The following SH3BP4 variants were observed in gnomAD, a reference collection of about 807,000 sequenced individuals.
The protein encoded by SH3BP4 is SH3 domain-binding protein 4.
SH3BP4 carries 33 observed loss-of-function variants against 65.5 expected under a neutral mutation model. The ratio of observed to expected loss-of-function variants is 0.50; its 90% CI spans 0.38 to 0.67. The LOEUF (loss-of-function observed/expected upper bound fraction) is 0.67, where lower values mean the gene tolerates loss of function less well. Among genes scored for constraint, SH3BP4 ranks in the 30% least tolerant of loss-of-function variants. The probability of loss-of-function intolerance (pLI) is 0.00; values close to 1 mark genes in which losing one functional copy is unlikely to be tolerated. For missense variants in SH3BP4, 1,134 were observed against 1,261.4 expected (o/e 0.90, Z 1.53); for synonymous variants, 552 against 545.5 (o/e 1.01, Z -0.17).
intron 2 of SH3BP4, among the ~76,000 whole-genome samples, chr2:235,000,871 G>T (rs1694076093): frequency 6.6e-6 from 1 of 152,182 alleles, no homozygotes; most frequent in Non-Finnish European, 1.5e-5. Flanking sequence ...CTGCACTGGT[G>T]GTGTCTCCCC....
chr2:235,040,948 T>G lies in SH3BP4; in HGVS notation c.179T>G (p.Val60Gly). Reference sequence around the variant, plus strand: ...ACACCTTTCGGAAATGCAAAGGAAGTGATTGCGATCAAGGACTATTGCCCC... The same window carrying G: ...ACACCTTTCGGAAATGCAAAGGAAGGGATTGCGATCAAGGACTATTGCCCC... ...NPTPFGNAKE[V>G]IAIKDYCPTN... Residue 60 changes from valine (V) to glycine (G), a missense_variant, in exon 4 of 6, where the codon GTG becomes GGG. Transcript: ENST00000392011. 6.2e-7 allele frequency: 1 copy of G among 1,614,132 alleles called. No homozygotes were observed. The highest frequency in any genetic ancestry group is 8.5e-7 in the Non-Finnish European group (1 of 1,180,010).
intron 2 of SH3BP4, among the ~76,000 whole-genome samples, chr2:235,022,889 C>G (rs942725849): frequency 3.3e-5 from 5 of 152,184 alleles, no homozygotes; most frequent in African/African-American, 7.2e-5. Flanking sequence ...GGGTGGTGCT[C>G]CCTCTGCAGA....
At chr2:234,983,281 C>T (rs970929268) in intron 1 of SH3BP4, 2 of 152,264 alleles carry the variant, frequency 1.3e-5, no homozygotes, top group African/African-American at 4.8e-5. Flanking sequence ...GTCTGTCCAC[C>T]TGCATTGGCA....
intron 1 of SH3BP4, among the ~76,000 whole-genome samples, chr2:234,965,205 G>A: frequency 6.6e-6 from 1 of 152,338 alleles, no homozygotes; most frequent in East Asian, 1.9e-4. Flanking sequence ...TGAAGAAGAG[G>A]AGACTGTCCA....
At chr2:235,024,181 A>C (rs1367646312) in intron 2 of SH3BP4, among the ~76,000 whole-genome samples, 2 of 152,208 alleles carry the variant, frequency 1.3e-5, no homozygotes, top group African/African-American at 4.8e-5. Flanking sequence ...CTGGTGGTTA[A>C]AACTGCAGTT....
At chr2:235,028,182 C>T (rs922886847) in intron 2 of SH3BP4, among the ~76,000 whole-genome samples, 4 of 152,224 alleles carry the variant, frequency 2.6e-5, no homozygotes, top group Non-Finnish European at 5.9e-5. Context: ...TTCCTGTCTT[C>T]CTAGACCTGA....
At chr2:235,022,523 A>C (rs942676269) in intron 2 of SH3BP4, among the ~76,000 whole-genome samples, 1 of 149,912 alleles carries the variant, frequency 6.7e-6, no homozygotes, top group Non-Finnish European at 1.5e-5. Context: ...TCTGTCTCCA[A>C]AAAAAAAAAG....
intron 2 of SH3BP4, among the ~76,000 whole-genome samples, chr2:235,028,576 G>A (rs1695076959): frequency 6.6e-6 from 1 of 152,280 alleles, no homozygotes; most frequent in Non-Finnish European, 1.5e-5. Context: ...ATTCATTCGG[G>A]TTTGAGAGCC....
At chr2:235,027,921 A>G (rs1259048125) in intron 2 of SH3BP4, among the ~76,000 whole-genome samples, 2 of 152,208 alleles carry the variant, frequency 1.3e-5, no homozygotes, top group East Asian at 3.9e-4. Context: ...CAGAGGCCAC[A>G]GGGAGAATAT....
chr2:234,998,243 A>T (rs1693985461), intron 2 of SH3BP4, among the ~76,000 whole-genome samples: 1 of 152,214 alleles, frequency 6.6e-6, no homozygotes, highest in Non-Finnish European at 1.5e-5. Context: ...GGGGCACGTG[A>T]ACCACGTGGG....
chr2:235,035,243 T>C lies in SH3BP4; in HGVS notation c.118+123T>C, dbSNP rs966863261. 2.5e-5 allele frequency: 19 copies of C among 768,226 alleles called. No homozygotes were observed. In the East Asian group the frequency reaches 4.4e-4, roughly 18 times the overall value. The allele number at this position is 768,226 out of a possible 1,614,324, so 47.6% of individuals were successfully genotyped here. A position where few individuals can be genotyped will look rare whatever the true frequency, so the allele number is the denominator to read the frequency against. The stretch of plus-strand genomic sequence containing the variant: ...CATTCAGATAGTTAAAGTTTAGTTC[T>C]TTAAACTTCATCATGGTAATAGATT... On this transcript the variant is annotated intron_variant, in intron 3 of 5. Transcript: ENST00000392011. This position sits in a 1 kb window ranked among gnomAD's most constrained non-coding sequence, Gnocchi z 5.0.
rs895782031 is a variant in SH3BP4 at position 235,026,752 on chromosome 2, G to T, written c.-132-8119G>T. On this transcript the variant is annotated intron_variant, in intron 2 of 5. Transcript: ENST00000392011. The surrounding 1 kb of genome is among the most constrained non-coding windows in gnomAD (Gnocchi z 4.6). ...TTTTTCACCCTGTGGCGTGGTCTTG[G>T]CTCTGAATAACCGCTGCTACCTCCT... Among the ~76,000 whole-genome samples the T allele has an allele frequency of 2.0e-5, 3 of 152,076 alleles. No homozygotes were observed. The highest frequency in any genetic ancestry group is 7.2e-5 in the African/African-American group (3 of 41,400).
At chr2:235,002,297 C>G (rs1036976258) in intron 2 of SH3BP4, among the ~76,000 whole-genome samples, 1 of 152,126 alleles carries the variant, frequency 6.6e-6, no homozygotes. Context: ...AAATTGTGCA[C>G]AGTGGTTTAT....
chr2:235,020,045 A>T (rs1694806960), intron 2 of SH3BP4, among the ~76,000 whole-genome samples: 1 of 152,216 alleles, frequency 6.6e-6, no homozygotes, highest in African/African-American at 2.4e-5. Flanking sequence ...ATCTAGGAAG[A>T]TTCTTCTTTG....
At chr2:235,008,767 T>G (rs985033193) in intron 2 of SH3BP4, among the ~76,000 whole-genome samples, 1 of 152,360 alleles carries the variant, frequency 6.6e-6, no homozygotes, top group African/African-American at 2.4e-5. Flanking sequence ...TTTTGTTCTA[T>G]TTTATCTCCA....
intron 1 of SH3BP4, among the ~76,000 whole-genome samples, chr2:234,987,179 G>A (rs1269191272): frequency 2.0e-5 from 3 of 152,132 alleles, no homozygotes; most frequent in Non-Finnish European, 2.9e-5. Flanking sequence ...GCGTTGTTGG[G>A]CCCAGCAACC....
chr2:235,041,142 A>G lies in SH3BP4; in HGVS notation c.373A>G (p.Ile125Val). ...RNSTLSDSGM[I>V]DNLPDSPDEV... Reference sequence around the variant, plus strand: ...CTCAACACTGAGTGACAGCGGTATGATTGATAATCTTCCAGACAGCCCAGA... The same window carrying G: ...CTCAACACTGAGTGACAGCGGTATGGTTGATAATCTTCCAGACAGCCCAGA... Residue 125 changes from isoleucine to valine, a missense_variant, in exon 4 of 6, where the codon ATT (isoleucine) becomes GTT (valine). Physicochemically the swap from Ile to Val is conservative, Grantham distance 29. Coordinates refer to ENST00000392011, the MANE Select transcript of SH3BP4 (RefSeq NM_014521.3). This position sits in a 1 kb window ranked among gnomAD's most constrained non-coding sequence, Gnocchi z 6.0. 6.2e-7 allele frequency: 1 copy of G among 1,614,156 alleles called. No individual in the cohort carries two copies. Among genetic ancestry groups the G allele is most frequent in the Non-Finnish European group, 8.5e-7 (1 of 1,180,034 alleles).
chr2:234,959,653 C>CT lies in SH3BP4; in HGVS notation c.-207+7501dup, dbSNP rs148083180. On this transcript the variant is annotated intron_variant, in intron 1 of 5. Coordinates refer to ENST00000392011, the MANE Select transcript of SH3BP4 (RefSeq NM_014521.3). The stretch of plus-strand genomic sequence containing the variant: ...TGTTGCCCTTTGTAAGAGGATTTGA[C>CT]TTTTTTTTTTTTTTTTTTGAGACGG... Among the ~76,000 whole-genome samples, 241 of 123,806 alleles carry CT rather than the reference C, an allele frequency of 1.9e-3. 1 individual carries two copies. Among genetic ancestry groups the CT allele is most frequent in the African/African-American group, 6.4e-3 (213 of 33,348 alleles). 81.2% of individuals were successfully genotyped at this position (123,806 alleles called of 152,430 possible).
chr2:235,036,378 C>G (rs1378374049), intron 3 of SH3BP4, among the ~76,000 whole-genome samples: 1 of 152,134 alleles, frequency 6.6e-6, no homozygotes, highest in Non-Finnish European at 1.5e-5. Flanking sequence ...AGAGTCAAAG[C>G]TGGAACTTGT....
Sources: gnomAD v4.1 joint callset for allele counts (sites outside exome capture counted in the v4.1 genomes callset) on GRCh38, gnomAD v4.1.1 for gene constraint, Gnocchi (gnomAD v3.1) non-coding constraint, MANE v1.5 for transcripts, NCBI Gene and HGNC (gene_info 2026-07-23, HGNC 2026-07-21) for gene names.